The following VWA3B variants were observed in gnomAD, a reference collection of about 807,000 sequenced individuals.
VWA3B encodes von Willebrand factor A domain containing 3B.
A neutral mutation model predicts 158.3 loss-of-function variants in VWA3B; 138 were observed. The ratio of observed to expected loss-of-function variants is 0.87; its 90% CI spans 0.76 to 1.00. VWA3B has a LOEUF of 1.00. Among genes scored for constraint, VWA3B ranks in the 50% least tolerant of loss-of-function variants. The pLI, the probability that VWA3B is intolerant of heterozygous loss-of-function variation, is 0.00. For missense variants in VWA3B, 1,555 were observed against 1,565.1 expected (o/e 0.99, Z 0.11); for synonymous variants, 596 against 587.3 (o/e 1.01, Z -0.21).
At chr2:98,272,316 G>C (rs565165198) in intron 22 of VWA3B, among the ~76,000 whole-genome samples, 1 of 152,228 alleles carries the variant, frequency 6.6e-6, no homozygotes, top group Non-Finnish European at 1.5e-5. Flanking sequence ...TTATTATAAA[G>C]GATATTACAA....
At chr2:98,242,190 T>C (rs1686114641) in intron 19 of VWA3B, 8 of 455,542 alleles carry the variant, frequency 1.8e-5, no homozygotes, top group South Asian at 1.2e-4. Context: ...CCCAGCTCTT[T>C]GTTTCATTCA....
intron 23 of VWA3B, among the ~76,000 whole-genome samples, chr2:98,297,254 G>C (rs1689863690): frequency 6.6e-6 from 1 of 151,698 alleles, no homozygotes; most frequent in Non-Finnish European, 1.5e-5. Flanking sequence ...GCTAATTTTT[G>C]TATTTTCAGT....
intron 25 of VWA3B, among the ~76,000 whole-genome samples, chr2:98,301,354 C>G (rs1471529052): frequency 6.6e-6 from 1 of 152,062 alleles, no homozygotes; most frequent in African/African-American, 2.4e-5. Context: ...ATTCACTCTG[C>G]TCTTTATTGG....
chr2:98,312,038 G>T lies in VWA3B; in HGVS notation c.3735+6G>T. The T allele has an allele frequency of 6.3e-7, 1 of 1,592,336 alleles. No individual in the cohort carries two copies. ...GGACACACCCCGAGCCCAGGGTTTG[G>T]GTGATGGGGGGGGAACACAACATCG... On this transcript the variant is annotated splice_donor_region_variant and intron_variant, in intron 27 of 27. Coordinates refer to ENST00000477737, the MANE Select transcript of VWA3B (RefSeq NM_144992.5).
At chr2:98,134,516 G>A (rs1313272804) in intron 7 of VWA3B, among the ~76,000 whole-genome samples, 10 of 152,158 alleles carry the variant, frequency 6.6e-5, no homozygotes, top group Admixed American at 3.3e-4. Context: ...AACAGTGGAA[G>A]GTTACTCAGA....
intron 2 of VWA3B, among the ~76,000 whole-genome samples, chr2:98,108,781 TA>T (rs1247023654): frequency 1.3e-5 from 2 of 152,128 alleles, no homozygotes; most frequent in East Asian, 1.9e-4. Flanking sequence ...TGAGTCTTTT[TA>T]AAAAAATCCT....
At chr2:98,296,632 G>A (rs1222166402) in intron 23 of VWA3B, among the ~76,000 whole-genome samples, 1 of 152,198 alleles carries the variant, frequency 6.6e-6, no homozygotes, top group Non-Finnish European at 1.5e-5. Context: ...ACGTGAGCCA[G>A]GACTGGGGAG....
At chr2:98,321,319 C>G in the VWA3B span, among the ~76,000 whole-genome samples, 1 of 152,210 alleles carries the variant, frequency 6.6e-6, no homozygotes, top group South Asian at 2.1e-4. Flanking sequence ...TCAGATCCCC[C>G]ACACAGAGTC....
chr2:98,088,799 G>A (rs899465942), intron 1 of VWA3B, among the ~76,000 whole-genome samples: 1 of 152,000 alleles, frequency 6.6e-6, no homozygotes, highest in Non-Finnish European at 1.5e-5. Flanking sequence ...TGTCCCCCAG[G>A]CTGGAGTGCA....
intron 12 of VWA3B, among the ~76,000 whole-genome samples, chr2:98,200,253 T>G (rs917290746): frequency 6.6e-6 from 1 of 152,066 alleles, no homozygotes; most frequent in Non-Finnish European, 1.5e-5. Flanking sequence ...GGATAATAGC[T>G]GGAGTCAGGC....
rs528604317 is a variant in VWA3B at position 98,198,192 on chromosome 2, A to G, written c.1737+3700A>G. On this transcript the variant is annotated intron_variant, in intron 12 of 27. Coordinates refer to ENST00000477737, the MANE Select transcript of VWA3B (RefSeq NM_144992.5). ...AGAGCCCAGGGTTCATTTGTAATGA[A>G]CTTATTTGCAACTTCTTCAACAAGG... 1.7e-3 allele frequency among the ~76,000 whole-genome samples: 261 copies of G among 152,198 alleles called. 1 individual carries two copies. The highest frequency in any genetic ancestry group is 6.2e-3 in the African/African-American group (257 of 41,526).
At chr2:98,277,963 T>C (rs76131146) in intron 22 of VWA3B, among the ~76,000 whole-genome samples, 5,910 of 152,194 alleles carry the variant, frequency 0.039, 169 homozygotes, top group Middle Eastern at 0.075. Flanking sequence ...ATTGTAACTT[T>C]TTTTTTTTTA....
intron 7 of VWA3B, among the ~76,000 whole-genome samples, chr2:98,156,492 G>A (rs906626079): frequency 7.2e-5 from 11 of 152,140 alleles, no homozygotes; most frequent in Admixed American, 7.2e-4. Context: ...TGCCGGTGCG[G>A]GGTTGCTCCC....
chr2:98,167,912 T>A (rs1004357374), intron 8 of VWA3B, among the ~76,000 whole-genome samples: 1 of 152,214 alleles, frequency 6.6e-6, no homozygotes, highest in Non-Finnish European at 1.5e-5. Context: ...AATTGAGCAC[T>A]GCTCTGGGCC....
At chr2:98,184,566 G>C (rs1393209489) in intron 9 of VWA3B, among the ~76,000 whole-genome samples, 4 of 152,156 alleles carry the variant, frequency 2.6e-5, no homozygotes, top group Non-Finnish European at 5.9e-5. Flanking sequence ...TCATTGCCAT[G>C]CGGCTCTGAA....
In VWA3B at chr2:98,164,026, G is replaced by T. The variant is rs557709113; in HGVS notation, c.1114+1050G>T. 3.9e-5 allele frequency among the ~76,000 whole-genome samples: 6 copies of T among 152,324 alleles called. No homozygotes were observed. The South Asian group carries it at 1.2e-3, about 32-fold the overall frequency. ...GTTGCCGGTGCTCTTCCAGGGAGGA[G>T]GAGCAGGAGAGCTCAGTGATCGGCT... is the stretch of plus-strand genomic sequence containing the variant. On this transcript the variant is annotated intron_variant, in intron 8 of 27. Transcript: ENST00000477737.
At chr2:98,271,677 T>A (rs1688209762) in intron 22 of VWA3B, among the ~76,000 whole-genome samples, 1 of 152,230 alleles carries the variant, frequency 6.6e-6, no homozygotes, top group African/African-American at 2.4e-5. Context: ...ATTTTCCAGT[T>A]TTCTGCTTTC....
rs1273191893 is a variant in VWA3B, at chr2:98,134,047, ATAATGTTAT to A, written c.988+115_988+123del. ...GGGAGAGACTCCCCATGTCTTTTGT[ATAATGTTAT>A]TAATGTAGTGCAAGAGCAGAGTTAA... On this transcript the variant is annotated intron_variant, in intron 7 of 27. Transcript: ENST00000477737. 5 of 904,710 alleles carry A rather than the reference ATAATGTTAT, an allele frequency of 5.5e-6. No individual in the cohort carries two copies. In the African/African-American group the frequency reaches 8.2e-5, roughly 15 times the overall value. 56.0% of individuals were successfully genotyped at this position (904,710 alleles called of 1,614,324 possible).
At chr2:98,254,826 T>C (rs979275237) in intron 20 of VWA3B, among the ~76,000 whole-genome samples, 3 of 152,102 alleles carry the variant, frequency 2.0e-5, no homozygotes, top group Non-Finnish European at 4.4e-5. Context: ...AGAGGCCCTG[T>C]CTGCAGACAC....
Sources: gnomAD v4.1 joint callset for allele counts (sites outside exome capture counted in the v4.1 genomes callset) on GRCh38, gnomAD v4.1.1 for gene constraint, MANE v1.5 for transcripts, NCBI Gene and HGNC (gene_info 2026-07-23, HGNC 2026-07-21) for gene names.